FAM193A: variants seen among roughly 807,000 people sequenced by gnomAD.
FAM193A encodes protein FAM193A.
A neutral mutation model predicts 126.5 loss-of-function variants in FAM193A; 22 were observed. That is an observed-to-expected ratio of 0.17 (90% confidence interval 0.12 to 0.25). The LOEUF (loss-of-function observed/expected upper bound fraction) is 0.25. Ranked by LOEUF, FAM193A falls within the 10% of genes least tolerant of loss-of-function variation. FAM193A has a pLI of 1.00. For missense variants in FAM193A, 1,675 were observed against 1,672.8 expected (o/e 1.00, Z -0.02); for synonymous variants, 761 against 646.8 (o/e 1.18, Z -2.68).
At chr4:2,656,274 G>A (rs1560528921) in intron 7 of FAM193A, among the ~76,000 whole-genome samples, 1 of 152,146 alleles carries the variant, frequency 6.6e-6, no homozygotes, top group Non-Finnish European at 1.5e-5. Context: ...GTAAAACTTT[G>A]GGGCCTAATT....
chr4:2,653,588 C>T (rs1420364265), intron 7 of FAM193A, among the ~76,000 whole-genome samples: 1 of 152,026 alleles, frequency 6.6e-6, no homozygotes, highest in Non-Finnish European at 1.5e-5. Flanking sequence ...GGACTACAGG[C>T]GCCCGCCACC....
At chr4:2,706,911 A>C (rs192337743) in intron 19 of FAM193A, among the ~76,000 whole-genome samples, 44 of 139,360 alleles carry the variant, frequency 3.2e-4, no homozygotes, top group Middle Eastern at 4.2e-3. Flanking sequence ...ACCTGAGGTC[A>C]GGAGTTCGAG....
At chr4:2,708,080 C>T in intron 19 of FAM193A, 1 of 428,762 alleles carries the variant, frequency 2.3e-6, no homozygotes, top group Non-Finnish European at 4.7e-6. Flanking sequence ...ATAGTGCTGC[C>T]CTAACTGGTT....
chr4:2,692,485 T>C (rs1370998325), intron 15 of FAM193A, among the ~76,000 whole-genome samples: 3 of 152,158 alleles, frequency 2.0e-5, no homozygotes, highest in Non-Finnish European at 4.4e-5. Flanking sequence ...GGTGCCAGAC[T>C]CTGGAGGAAC....
intron 2 of FAM193A, among the ~76,000 whole-genome samples, chr4:2,602,807 CCCA>C (rs1297368093): frequency 6.6e-6 from 1 of 150,844 alleles, no homozygotes; most frequent in Non-Finnish European, 1.5e-5. Context: ...ACTACAGGCG[CCCA>C]CCACCACGCC....
chr4:2,644,836 T>G (rs1744971570), intron 6 of FAM193A, among the ~76,000 whole-genome samples: 1 of 152,142 alleles, frequency 6.6e-6, no homozygotes, highest in Admixed American at 6.5e-5. Flanking sequence ...TATTATAAAA[T>G]CATTAGATTG....
chr4:2,699,920 A>G lies in FAM193A; in HGVS notation c.3748A>G (p.Thr1250Ala), dbSNP rs1221195273. 2.5e-6 allele frequency: 4 copies of G among 1,614,016 alleles called. No individual in the cohort carries two copies. The highest frequency in any genetic ancestry group is 1.1e-5 in the South Asian group (1 of 91,080). ...DMLTRNFQAA[T>A]ESVPNSGNIH... ...GCTCACTAGAAATTTCCAGGCAGCAACAGAGTCTGTTCCTAACTCTGGAAA... is the reference window on the plus strand; with the variant it reads ...GCTCACTAGAAATTTCCAGGCAGCAGCAGAGTCTGTTCCTAACTCTGGAAA... The change falls in exon 19 of 21, where the codon ACA becomes GCA. Residue 1250 changes from threonine (T) to alanine (A), a missense_variant. Coordinates refer to ENST00000637812, the MANE Select transcript of FAM193A (RefSeq NM_001366318.2).
At position 2,675,841 on chromosome 4, in the gene FAM193A, G is replaced by C. The variant is rs563351194; in HGVS notation, c.2331+3469G>C. On this transcript the variant is annotated intron_variant, in intron 13 of 20. Coordinates refer to ENST00000637812, the MANE Select transcript of FAM193A (RefSeq NM_001366318.2). ...GCATCCATTATTCTACTTTGTCTCTGTGATTGTGACTACTCTAAGTACCTC... is the reference window on the plus strand; with the variant it reads ...GCATCCATTATTCTACTTTGTCTCTCTGATTGTGACTACTCTAAGTACCTC... 2.0e-5 allele frequency among the ~76,000 whole-genome samples: 3 copies of C among 152,258 alleles called. No homozygotes were observed. The South Asian group carries it at 6.2e-4, about 32-fold the overall frequency.
chr4:2,699,725 C>T lies in FAM193A; in HGVS notation c.3553C>T (p.His1185Tyr). ...AGAAGCAGAGGCCAGGGCCCGGGAG[C>T]ACCTGCACCTCCAGGAGGAGCAGAG... ...RLEAEARARE[H>Y]LHLQEEQRRR... The change falls in exon 19 of 21, where the codon CAC becomes TAC. Residue 1185 changes from histidine (H) to tyrosine (Y), a missense_variant. His to Tyr is a moderately conservative substitution (Grantham distance 83). Coordinates refer to ENST00000637812, the MANE Select transcript of FAM193A (RefSeq NM_001366318.2). 1.9e-6 allele frequency: 3 copies of T among 1,613,590 alleles called. No individual in the cohort carries two copies. The highest frequency in any genetic ancestry group is 2.5e-6 in the Non-Finnish European group (3 of 1,179,900).
At chr4:2,615,598 AACCTCTGCCTCCC>A (rs1305860658) in intron 2 of FAM193A, among the ~76,000 whole-genome samples, 2 of 152,086 alleles carry the variant, frequency 1.3e-5, no homozygotes, top group Non-Finnish European at 1.5e-5. Context: ...GGCTCACTGC[AACCTCTGCCTCCC>A]GGGTTCAAGC....
chr4:2,630,852 G>T, intron 4 of FAM193A, 83 bp from the exon 5 acceptor site: 1 of 749,840 alleles, frequency 1.3e-6, no homozygotes, highest in Non-Finnish European at 2.2e-6. Context: ...ACCTGTGGAA[G>T]GGCTTCAGAA....
At chr4:2,635,418 T>C (rs1199319998) in intron 5 of FAM193A, among the ~76,000 whole-genome samples, 1 of 152,248 alleles carries the variant, frequency 6.6e-6, no homozygotes, top group Non-Finnish European at 1.5e-5. Context: ...TAAATGCTTA[T>C]TGTCATTTTA....
At chr4:2,567,962 G>T (rs1739066219) in intron 1 of FAM193A, among the ~76,000 whole-genome samples, 1 of 152,172 alleles carries the variant, frequency 6.6e-6, no homozygotes, top group South Asian at 2.1e-4. Flanking sequence ...TTTTCCTGTT[G>T]GGGTCATGGC....
At chr4:2,539,275 C>T (rs1228152103) in intron 1 of FAM193A, among the ~76,000 whole-genome samples, 1 of 152,138 alleles carries the variant, frequency 6.6e-6, no homozygotes, top group East Asian at 1.9e-4. Flanking sequence ...GCTATGTTGC[C>T]TAGGCTGGCC....
chr4:2,703,886 C>T (rs1252940304), intron 19 of FAM193A, among the ~76,000 whole-genome samples: 3 of 150,370 alleles, frequency 2.0e-5, no homozygotes, highest in African/African-American at 4.9e-5. Flanking sequence ...GCAGGAGAAT[C>T]GCTGGAGCCC....
Position 2,701,144 on chromosome 4 carries a change from G to A in FAM193A, c.4372+600G>A, listed in dbSNP as rs193189342. On this transcript the variant is annotated intron_variant, in intron 19 of 20. Transcript: ENST00000637812. ...CCCCTTTAACCTAAAATACTTCCATGTATATTTCCTCAAGATAAAGACACT... is the reference window on the plus strand; with the variant it reads ...CCCCTTTAACCTAAAATACTTCCATATATATTTCCTCAAGATAAAGACACT... Among the ~76,000 whole-genome samples, 280 of 152,072 alleles carry A rather than the reference G, an allele frequency of 1.8e-3. 1 individual carries two copies. Among genetic ancestry groups the A allele is most frequent in the Non-Finnish European group, 3.5e-3 (238 of 67,990 alleles).
At chr4:2,549,829 G>T (rs1169405342) in intron 1 of FAM193A, among the ~76,000 whole-genome samples, 1 of 151,920 alleles carries the variant, frequency 6.6e-6, no homozygotes, top group African/African-American at 2.4e-5. Context: ...CTGAGTTCAA[G>T]TGATTTTTCT....
intron 19 of FAM193A, among the ~76,000 whole-genome samples, chr4:2,705,701 C>G (rs1473453024): frequency 6.6e-6 from 1 of 151,732 alleles, no homozygotes; most frequent in Non-Finnish European, 1.5e-5. Context: ...GTGATTCTCC[C>G]GCCTCAGCCT....
At chr4:2,626,963 A>G (rs998325871) in intron 4 of FAM193A, among the ~76,000 whole-genome samples, 11 of 151,994 alleles carry the variant, frequency 7.2e-5, no homozygotes, top group African/African-American at 2.4e-4. Context: ...ATGAAGTGAA[A>G]AAATGGGGGC....
Sources: allele counts gnomAD v4.1 joint callset (sites outside exome capture counted in the v4.1 genomes callset), GRCh38; gene constraint gnomAD v4.1.1; transcripts MANE v1.5; gene names NCBI Gene and HGNC (gene_info 2026-07-23, HGNC 2026-07-21).